The following C17orf75 variants were observed in gnomAD, a reference collection of about 807,000 sequenced individuals.
C17orf75 encodes protein Njmu-R1.
A neutral mutation model predicts 49.6 loss-of-function variants in C17orf75; 32 were observed. That is an observed-to-expected ratio of 0.65 (90% confidence interval 0.49 to 0.87). The LOEUF (loss-of-function observed/expected upper bound fraction) is 0.87. Among genes scored for constraint, C17orf75 ranks in the 40% least tolerant of loss-of-function variants. The pLI, the probability that C17orf75 is intolerant of heterozygous loss-of-function variation, is 0.00. For synonymous variants in C17orf75, 158 were observed against 159.5 expected (o/e 0.99, Z 0.07); for missense variants, 428 against 473.9 (o/e 0.90, Z 0.90).
chr17:32,338,181 T>G (rs1014139924), intron 4 of C17orf75, 27 bp downstream of exon 4: 3 of 1,602,162 alleles, frequency 1.9e-6, no homozygotes, highest in African/African-American at 2.7e-5. Flanking sequence ...TCCTTCCTGA[T>G]GTTCTCAAAA....
upstream of C17orf75, among the ~76,000 whole-genome samples, chr17:32,346,743 T>C (rs1311005598): frequency 6.6e-6 from 1 of 152,104 alleles, no homozygotes; most frequent in Non-Finnish European, 1.5e-5. Flanking sequence ...CAGCTAATTT[T>C]TGTATTTTTA....
upstream of C17orf75, among the ~76,000 whole-genome samples, chr17:32,347,050 C>G (rs1274221563): frequency 2.0e-5 from 3 of 151,946 alleles, no homozygotes; most frequent in African/African-American, 7.3e-5. Flanking sequence ...CTGCCAGGTT[C>G]AAGCCTCAGC....
chr17:32,344,421 T>G (rs1363996787), upstream of C17orf75, among the ~76,000 whole-genome samples: 2 of 142,854 alleles, frequency 1.4e-5, no homozygotes, highest in Non-Finnish European at 1.5e-5. Context: ...ATCGAGACCA[T>G]CCTGGCTAAT....
At chr17:32,333,599 T>G (rs925108049) in intron 8 of C17orf75, 79 bp from the exon 9 acceptor site, 3 of 1,299,824 alleles carry the variant, frequency 2.3e-6, no homozygotes, top group Non-Finnish European at 2.2e-6. Flanking sequence ...GACGGGAGAT[T>G]CGCTCTTGTT....
chr17:32,341,177 C>T, intron 2 of C17orf75, 27 bp downstream of exon 2: 1 of 1,609,650 alleles, frequency 6.2e-7, no homozygotes, highest in South Asian at 1.1e-5. Context: ...AAAGCACATG[C>T]ATGAATTATG....
At position 32,328,722 on chromosome 17, in the gene C17orf75, C is replaced by T. The variant is rs187209957; in HGVS notation, c.*3041G>A. ...TGGCTAACACGGTGAAACCCCGTCT[C>T]TACTAAAAATACAAAAAATTAGCCA... On this transcript the variant is annotated 3_prime_UTR_variant, in exon 10 of 10. Coordinates refer to ENST00000577809, the MANE Select transcript of C17orf75 (RefSeq NM_022344.4). 2 of 152,194 alleles carry T rather than the reference C, an allele frequency of 1.3e-5. No individual in the cohort carries two copies. Among genetic ancestry groups the T allele is most frequent in the African/African-American group, 2.4e-5 (1 of 41,442 alleles). The allele number at this position is 152,194 out of a possible 1,614,324, so 9.4% of individuals were successfully genotyped here.
chr17:32,343,765 AAG>A, upstream of C17orf75: 1 of 635,002 alleles, frequency 1.6e-6, no homozygotes, highest in Admixed American at 2.4e-5. Flanking sequence ...CTACATTTAA[AAG>A]AGGATTCTGA....
chr17:32,345,557 C>T (rs918984590), upstream of C17orf75, among the ~76,000 whole-genome samples: 6 of 151,222 alleles, frequency 4.0e-5, no homozygotes, highest in East Asian at 2.0e-4. Flanking sequence ...CCTGGCCGGG[C>T]GCGGTGGCTC....
chr17:32,337,783 C>T (rs2041339988), intron 5 of C17orf75, 114 bp downstream of exon 5: 1 of 844,592 alleles, frequency 1.2e-6, no homozygotes, highest in African/African-American at 1.7e-5. Context: ...CCAGGCTGGT[C>T]TCTGACCTTG....
rs1246062007 is a variant in C17orf75, at chr17:32,330,830, G to C, written c.*933C>G. On this transcript the variant is annotated 3_prime_UTR_variant, in exon 10 of 10. Transcript: ENST00000577809. ...GAAATGGTGACTGAAGGCGATTTCTGCAGTAGCTTTCTCTCAGAGATAATT... is the reference window on the plus strand; with the variant it reads ...GAAATGGTGACTGAAGGCGATTTCTCCAGTAGCTTTCTCTCAGAGATAATT... 1 of 152,112 alleles carries C rather than the reference G, an allele frequency of 6.6e-6. No homozygotes were observed. Among genetic ancestry groups the C allele is most frequent in the African/African-American group, 2.4e-5 (1 of 41,430 alleles). The allele number at this position is 152,112 out of a possible 1,614,324, so 9.4% of individuals were successfully genotyped here.
upstream of C17orf75, chr17:32,342,295 GTC>G: frequency 7.9e-7 from 1 of 1,262,162 alleles, no homozygotes; most frequent in Non-Finnish European, 1.0e-6. Flanking sequence ...TGGAAAGGGA[GTC>G]TCTTCTCCCC....
At chr17:32,333,849 A>G (rs2150774321) in intron 8 of C17orf75, among the ~76,000 whole-genome samples, 1 of 152,332 alleles carries the variant, frequency 6.6e-6, no homozygotes, top group East Asian at 1.9e-4. Flanking sequence ...TGCTCACCAC[A>G]TGGCTAAGGA....
At chr17:32,348,795 C>T (rs926511695) in intron 1 of C17orf75, among the ~76,000 whole-genome samples, 3 of 151,894 alleles carry the variant, frequency 2.0e-5, no homozygotes, top group African/African-American at 7.3e-5. Context: ...TTCTAGGGTT[C>T]GCCAGAACCC....
chr17:32,337,458 G>A (rs2041336635), intron 5 of C17orf75, among the ~76,000 whole-genome samples: 1 of 151,048 alleles, frequency 6.6e-6, no homozygotes, highest in South Asian at 2.1e-4. Flanking sequence ...GCAAGACCCT[G>A]TCTAAAAAAA....
At chr17:32,348,865 G>GGCTTTTTTTT (rs1567807377) in intron 1 of C17orf75, among the ~76,000 whole-genome samples, 4 of 49,508 alleles carry the variant, frequency 8.1e-5, no homozygotes, top group African/African-American at 4.0e-4. Context: ...GACAGCTCCA[G>GGCTTTTTTTT]TCTTTTTTTT....
At chr17:32,349,998 C>T in exon 1 of C17orf75, 1 of 1,296,012 alleles carries the variant, frequency 7.7e-7, no homozygotes, top group South Asian at 1.9e-5. Context: ...GCACAGCCAG[C>T]GAAAGCGAAA....
In C17orf75 at chr17:32,342,069, G is replaced by T; in HGVS notation, c.71C>A (p.Ser24Ter). ...CGGCTCGAGTCTCCGCTCCTCGGCT[G>T]AGCCTCCCTCTTCGCTGCTCTCTAG... The part of the protein sequence containing the change: ...KELESSEEGG[S>*]AEERRLEPPS... Residue 24 changes from serine to a stop codon, truncating the protein, a stop_gained, in exon 1 of 10, where the codon TCA (serine) becomes TAA (stop). Transcript: ENST00000577809. LOFTEE classifies it high-confidence loss of function. The T allele has an allele frequency of 1.3e-6, 2 of 1,578,356 alleles. No individual in the cohort carries two copies.
rs1284614318 is a variant in C17orf75 at position 32,330,160 on chromosome 17, A to T, written c.*1603T>A. 1 of 152,222 alleles carries T rather than the reference A, an allele frequency of 6.6e-6. No homozygotes were observed. Among genetic ancestry groups the T allele is most frequent in the African/African-American group, 2.4e-5 (1 of 41,454 alleles). 9.4% of individuals were successfully genotyped at this position (152,222 alleles called of 1,614,324 possible). The stretch of plus-strand genomic sequence containing the variant: ...GCCCAGCCACTCTCACTTTAATACT[A>T]TGAAAAATGCTACTTAGATTTTTTT... On this transcript the variant is annotated 3_prime_UTR_variant, in exon 10 of 10. Transcript: ENST00000577809.
In C17orf75 at chr17:32,342,018, T is replaced by A; in HGVS notation, c.122A>T (p.Tyr41Phe). The A allele has an allele frequency of 6.5e-7, 1 of 1,528,140 alleles. No homozygotes were observed. The highest frequency in any genetic ancestry group is 8.8e-7 in the Non-Finnish European group (1 of 1,138,608). The allele number at this position is 1,528,140 out of a possible 1,614,324, so 94.7% of individuals were successfully genotyped here. ...CCAGCACCTGCTTCCGCGATAGCTG[T>A]AAAGACAGTAGTGGCTGCTGGACGG... ...EPPSSSHYCL[Y>F]SYRGSRLAQQ... Residue 41 changes from tyrosine to phenylalanine, a missense_variant, in exon 1 of 10, where the codon TAC (tyrosine) becomes TTC (phenylalanine). Tyr to Phe is a conservative substitution (Grantham distance 22, BLOSUM62 3). Coordinates refer to ENST00000577809, the MANE Select transcript of C17orf75 (RefSeq NM_022344.4).
Sources: gnomAD v4.1 joint callset for allele counts (sites outside exome capture counted in the v4.1 genomes callset) on GRCh38, gnomAD v4.1.1 for gene constraint, MANE v1.5 for transcripts, NCBI Gene and HGNC (gene_info 2026-07-23, HGNC 2026-07-21) for gene names.